The following WDPCP variants were observed in gnomAD, a reference collection of about 807,000 sequenced individuals.
WDPCP encodes WD repeat containing planar cell polarity effector.
A neutral mutation model predicts 93.1 loss-of-function variants in WDPCP; 71 were observed. The ratio of observed to expected loss-of-function variants is 0.76; its 90% CI spans 0.63 to 0.93. WDPCP has a LOEUF of 0.93. Ranked by LOEUF, WDPCP falls within the 40% of genes least tolerant of loss-of-function variation. The pLI is 0.00. For synonymous variants in WDPCP, 315 were observed against 315.0 expected (o/e 1.00, Z 0.00); for missense variants, 844 against 887.4 (o/e 0.95, Z 0.62).
chr2:63,585,385 A>T (rs1184837518), intron 1 of WDPCP, among the ~76,000 whole-genome samples: 2 of 152,194 alleles, frequency 1.3e-5, no homozygotes, highest in East Asian at 1.9e-4. Context: ...AATTTTAAAA[A>T]GGGTAAAAAG....
intron 13 of WDPCP, among the ~76,000 whole-genome samples, chr2:63,278,011 CCA>C: frequency 6.6e-6 from 1 of 152,238 alleles, no homozygotes; most frequent in Non-Finnish European, 1.5e-5. Flanking sequence ...ATATGACAGG[CCA>C]CAAAACAAGT....
chr2:63,751,105 G>A (rs1472632087), intron 2 of WDPCP, among the ~76,000 whole-genome samples: 3 of 152,008 alleles, frequency 2.0e-5, no homozygotes. Context: ...TTTACACTGT[G>A]GAATTTTTTG....
chr2:63,618,737 C>G (rs916548898), intron 3 of WDPCP, among the ~76,000 whole-genome samples: 1 of 148,242 alleles, frequency 6.7e-6, no homozygotes, highest in Non-Finnish European at 1.5e-5. Context: ...GTTGCCCAGG[C>G]TGGAGTGCAA....
chr2:63,691,047 A>G (rs952340672), intron 2 of WDPCP, among the ~76,000 whole-genome samples: 2 of 152,206 alleles, frequency 1.3e-5, no homozygotes, highest in Admixed American at 1.3e-4. Flanking sequence ...CTTAAAACAT[A>G]TATTTATCTG....
chr2:63,180,190 C>A (rs546068221), intron 14 of WDPCP, among the ~76,000 whole-genome samples: 3 of 152,114 alleles, frequency 2.0e-5, no homozygotes, highest in African/African-American at 7.2e-5. Flanking sequence ...TTGTTGAAGA[C>A]CTCTATTACT....
At chr2:63,749,730 C>T (rs566367736) in intron 2 of WDPCP, among the ~76,000 whole-genome samples, 14 of 152,028 alleles carry the variant, frequency 9.2e-5, no homozygotes, top group Non-Finnish European at 1.8e-4. Context: ...CAGGGAGTAA[C>T]CCCATTATAA....
chr2:63,461,884 G>A (rs571343095), intron 6 of WDPCP, among the ~76,000 whole-genome samples: 1 of 152,294 alleles, frequency 6.6e-6, no homozygotes, highest in East Asian at 1.9e-4. Flanking sequence ...AGGGTTTTAA[G>A]CAGAGGAGTA....
intron 12 of WDPCP, 99 bp downstream of exon 12, chr2:63,378,286 AG>A (rs1692017758): frequency 4.6e-6 from 7 of 1,509,690 alleles, no homozygotes; most frequent in Middle Eastern, 2.3e-4. Flanking sequence ...ATGGACTGTT[AG>A]GAAACACATA....
Position 63,743,223 on chromosome 2 carries a change from T to C in WDPCP, n.308+70399A>G, listed in dbSNP as rs114037897. ...ATTTCAAACTATATTCTAAATGAGC[T>C]CTGTGATAAGGTGGTATGTGCAGCC... On this transcript the variant is annotated intron_variant and non_coding_transcript_variant, in intron 2 of 4. Coordinates refer to the WDPCP transcript ENST00000467687. Among the ~76,000 whole-genome samples the C allele has an allele frequency of 5.8e-3, 877 of 152,194 alleles. 13 individuals carry two copies. The highest frequency in any genetic ancestry group is 0.02 in the African/African-American group (818 of 41,532).
intron 1 of WDPCP, among the ~76,000 whole-genome samples, chr2:63,540,754 G>C (rs1030139333): frequency 2.0e-5 from 3 of 151,876 alleles, no homozygotes; most frequent in Non-Finnish European, 2.9e-5. Context: ...TTTTTTGTTT[G>C]TTTGTTTGTT....
chr2:63,604,826 A>T, intron 3 of WDPCP: 1 of 1,614,246 alleles, frequency 6.2e-7, no homozygotes, highest in Non-Finnish European at 8.5e-7. Context: ...GTTGGTGTTT[A>T]TGAAGCTCTG....
chr2:63,136,172 C>G (rs1670602081), intron 17 of WDPCP, among the ~76,000 whole-genome samples: 1 of 152,190 alleles, frequency 6.6e-6, no homozygotes. Context: ...ATTACTCTCT[C>G]TCTCTCTATA....
chr2:63,322,371 T>C (rs549453208), intron 12 of WDPCP, among the ~76,000 whole-genome samples: 1 of 152,174 alleles, frequency 6.6e-6, no homozygotes, highest in Non-Finnish European at 1.5e-5. Context: ...CCTTCCATGC[T>C]GTGGAAGCTT....
intron 3 of WDPCP, among the ~76,000 whole-genome samples, chr2:63,612,333 A>G (rs1222900159): frequency 3.3e-5 from 5 of 152,196 alleles, no homozygotes; most frequent in Non-Finnish European, 7.3e-5. Context: ...TAAGGGCTCA[A>G]TTTACTTATT....
intron 12 of WDPCP, among the ~76,000 whole-genome samples, chr2:63,357,120 C>T (rs1210300832): frequency 1.3e-5 from 2 of 152,114 alleles, no homozygotes; most frequent in Non-Finnish European, 2.9e-5. Flanking sequence ...CAAAAATCAA[C>T]TCAAGATGGA....
At chr2:63,169,975 T>G (rs1244182573) in intron 15 of WDPCP, among the ~76,000 whole-genome samples, 1 of 151,806 alleles carries the variant, frequency 6.6e-6, no homozygotes, top group East Asian at 1.9e-4. Flanking sequence ...CATTGAAGCC[T>G]TAATGTTTAG....
intron 12 of WDPCP, among the ~76,000 whole-genome samples, chr2:63,348,152 TA>T (rs1689327480): frequency 6.6e-6 from 1 of 152,194 alleles, no homozygotes; most frequent in Non-Finnish European, 1.5e-5. Flanking sequence ...TCTTGGCATT[TA>T]ATTAAAGTTT....
At chr2:63,284,171 C>G (rs893947142) in intron 13 of WDPCP, among the ~76,000 whole-genome samples, 1 of 151,712 alleles carries the variant, frequency 6.6e-6, no homozygotes, top group Non-Finnish European at 1.5e-5. Flanking sequence ...ATAACAATAG[C>G]ACAGAAGATA....
chr2:63,750,942 G>C (rs572190565), intron 2 of WDPCP, among the ~76,000 whole-genome samples: 1 of 151,920 alleles, frequency 6.6e-6, no homozygotes, highest in African/African-American at 2.4e-5. Flanking sequence ...ATTTTTTTCT[G>C]GTAATTTCTT....
Sources: gnomAD v4.1 joint callset for allele counts (sites outside exome capture counted in the v4.1 genomes callset) on GRCh38, gnomAD v4.1.1 for gene constraint, MANE v1.5 for transcripts, NCBI Gene and HGNC (gene_info 2026-07-23, HGNC 2026-07-21) for gene names.